Variants in KCNMA1 observed in about 807,000 individuals in gnomAD.
KCNMA1 encodes the protein potassium calcium-activated channel subfamily M alpha 1, also known as Calcium-activated potassium channel subunit alpha-1.
Under a neutral mutation model 140.0 loss-of-function variants are expected in KCNMA1, and 29 were observed. The ratio of observed to expected loss-of-function variants is 0.21; its 90% confidence interval spans 0.15 to 0.28. The LOEUF is 0.28. Ranked by LOEUF, KCNMA1 falls within the 10% of genes least tolerant of loss-of-function variation. The pLI is 1.00. For synonymous variants in KCNMA1, 612 were observed against 611.9 expected, an observed-to-expected ratio of 1.00 and a Z score of 0.00; for missense variants, 880 against 1,602.2, an observed-to-expected ratio of 0.55 and a Z score of 7.70.
intron 2 of KCNMA1, among the ~76,000 whole-genome samples, chr10:77,331,717 A>T (rs2086503986): frequency 6.6e-6 from 1 of 151,224 alleles, no homozygotes; most frequent in African/African-American, 2.4e-5. Flanking sequence ...TGGGATGCTG[A>T]GATGTGAAGA....
At chr10:77,424,940 C>A (rs561651953) in intron 1 of KCNMA1, among the ~76,000 whole-genome samples, 1 of 152,338 alleles carries the variant, frequency 6.6e-6, no homozygotes, top group African/African-American at 2.4e-5. Flanking sequence ...CACACTAGAC[C>A]ATGAGCAGGA....
At chr10:76,882,882 G>A (rs1589437639), downstream of KCNMA1, among the ~76,000 whole-genome samples, 1 of 152,226 alleles carries the variant, frequency 6.6e-6, no homozygotes, top group Non-Finnish European at 1.5e-5. Context: ...GGGATGGGCT[G>A]AAAGAAGCTG....
chr10:77,307,981 T>C (rs1479537718), intron 2 of KCNMA1, among the ~76,000 whole-genome samples: 1 of 152,262 alleles, frequency 6.6e-6, no homozygotes, highest in Non-Finnish European at 1.5e-5. Context: ...GCTGCCATTG[T>C]TGTCTAATAA....
chr10:76,953,752 T>C (rs1030401126), intron 21 of KCNMA1, 49 bp downstream of exon 21: 2 of 1,611,470 alleles, frequency 1.2e-6, no homozygotes, highest in African/African-American at 1.3e-5. Context: ...CTAGCAAATG[T>C]GGTTTGGGGC....
intron 5 of KCNMA1, among the ~76,000 whole-genome samples, chr10:77,154,802 C>G (rs1041436775): frequency 5.3e-5 from 8 of 152,252 alleles, no homozygotes; most frequent in Non-Finnish European, 1.0e-4. Flanking sequence ...AGACAAGTCA[C>G]ATCAAGAAAC....
intron 14 of KCNMA1, among the ~76,000 whole-genome samples, chr10:77,059,627 A>G (rs77600043): frequency 0.031 from 4,781 of 152,226 alleles, 248 homozygotes; most frequent in African/African-American, 0.11. Context: ...GATGCAGGAA[A>G]GCATTTAGCA....
chr10:77,001,200 G>A (rs2086314251), intron 19 of KCNMA1, among the ~76,000 whole-genome samples: 1 of 152,048 alleles, frequency 6.6e-6, no homozygotes, highest in African/African-American at 2.4e-5. Context: ...GTTACGAGAA[G>A]CGTAAGTTAA....
chr10:77,175,183 A>T (rs934326661), intron 5 of KCNMA1, among the ~76,000 whole-genome samples: 1 of 152,150 alleles, frequency 6.6e-6, no homozygotes, highest in Non-Finnish European at 1.5e-5. Context: ...CTGATCCAGG[A>T]ACCACACTTT....
At chr10:77,505,990 T>C (rs926738534) in intron 1 of KCNMA1, among the ~76,000 whole-genome samples, 4 of 152,132 alleles carry the variant, frequency 2.6e-5, no homozygotes, top group Non-Finnish European at 5.9e-5. Context: ...ATTTGGCAAC[T>C]GACTAGAGAA....
At chr10:77,160,771 G>T (rs2154077711) in intron 5 of KCNMA1, among the ~76,000 whole-genome samples, 1 of 152,306 alleles carries the variant, frequency 6.6e-6, no homozygotes. Flanking sequence ...TCTTATAAAT[G>T]CACCTAAGTA....
chr10:77,193,136 G>A (rs1274539339), intron 3 of KCNMA1, among the ~76,000 whole-genome samples: 1 of 152,002 alleles, frequency 6.6e-6, no homozygotes, highest in Non-Finnish European at 1.5e-5. Context: ...CCAGTCATAT[G>A]TCTTGTAAAT....
At chr10:77,295,307 A>G (rs1180630557) in intron 2 of KCNMA1, among the ~76,000 whole-genome samples, 2 of 151,976 alleles carry the variant, frequency 1.3e-5, no homozygotes, top group Non-Finnish European at 2.9e-5. Context: ...AGATCATGCC[A>G]CTGCACTCTA....
At chr10:77,537,760 T>C (rs2059234195) in intron 1 of KCNMA1, among the ~76,000 whole-genome samples, 1 of 152,104 alleles carries the variant, frequency 6.6e-6, no homozygotes, top group African/African-American at 2.4e-5. Flanking sequence ...AGAGTCTCGG[T>C]GGCACCGCTG....
intron 3 of KCNMA1, among the ~76,000 whole-genome samples, chr10:77,212,488 T>C (rs1011216119): frequency 3.3e-5 from 5 of 152,120 alleles, no homozygotes; most frequent in Non-Finnish European, 7.4e-5. Flanking sequence ...AACTACCTAT[T>C]GGGTACTATG....
intron 2 of KCNMA1, among the ~76,000 whole-genome samples, chr10:77,369,292 T>A (rs1183424391): frequency 6.6e-6 from 1 of 152,158 alleles, no homozygotes; most frequent in East Asian, 1.9e-4. Context: ...GAAATGACAG[T>A]GAAGTCATCT....
At chr10:77,457,488 G>T (rs1315169996) in intron 1 of KCNMA1, among the ~76,000 whole-genome samples, 2 of 152,086 alleles carry the variant, frequency 1.3e-5, no homozygotes, top group East Asian at 1.9e-4. Context: ...TCCGCCAGGT[G>T]CTGCTGGATC....
rs2076967750 is a variant in KCNMA1, at chr10:77,585,281, GT to G, written c.378+51983del. ...CTCAGCCCCACAACGCACTAGCCGG[GT>G]GACCTGAAGCAAGTCGCTTAACTTA... On this transcript the variant is annotated intron_variant, in intron 1 of 27. Transcript: ENST00000286628. 3.3e-5 allele frequency among the ~76,000 whole-genome samples: 5 copies of G among 152,306 alleles called. No homozygotes were observed. In the South Asian group the frequency reaches 1.0e-3, roughly 32 times the overall value.
chr10:77,237,354 C>T (rs1251944445), intron 3 of KCNMA1, among the ~76,000 whole-genome samples: 3 of 152,188 alleles, frequency 2.0e-5, no homozygotes, highest in Non-Finnish European at 4.4e-5. Context: ...AACTGGCTTG[C>T]CCAGGACAGC....
At chr10:77,224,977 G>A (rs553753584) in intron 3 of KCNMA1, among the ~76,000 whole-genome samples, 1 of 152,192 alleles carries the variant, frequency 6.6e-6, no homozygotes, top group African/African-American at 2.4e-5. Context: ...CCCCTTGAAG[G>A]TGGGAAACTT....
Sources: allele counts gnomAD v4.1 joint callset (sites outside exome capture counted in the v4.1 genomes callset), GRCh38; gene constraint gnomAD v4.1.1; transcripts MANE v1.5; gene names NCBI Gene and HGNC (gene_info 2026-07-23, HGNC 2026-07-21).